Variants in SULF1 observed in about 807,000 individuals in gnomAD.
SULF1 encodes the protein extracellular sulfatase Sulf-1.
A neutral mutation model predicts 110.5 loss-of-function variants in SULF1; 46 were observed. The observed-to-expected ratio is 0.42, with a 90% CI of 0.33 to 0.53. SULF1 has a LOEUF of 0.53. Ranked by LOEUF, SULF1 falls within the 20% of genes least tolerant of loss-of-function variation. SULF1 has a pLI of 0.12. For missense variants in SULF1, 941 were observed against 1,094.2 expected, an observed-to-expected ratio of 0.86 and a Z score of 1.98; for synonymous variants, 371 against 387.1, an observed-to-expected ratio of 0.96 and a Z score of 0.49.
At chr8:69,654,795 T>A (rs1168486916) in intron 22 of SULF1, among the ~76,000 whole-genome samples, 1 of 152,196 alleles carries the variant, frequency 6.6e-6, no homozygotes, top group Non-Finnish European at 1.5e-5. Flanking sequence ...AATGCTTTTG[T>A]CTCCCCACAT....
chr8:69,638,313 TCA>T, intron 19 of SULF1, 187 bp from the exon 20 acceptor site: 1 of 660,862 alleles, frequency 1.5e-6, no homozygotes, highest in Non-Finnish European at 2.5e-6. Flanking sequence ...TTTCCCATTT[TCA>T]CCTAGTTTCA....
intron 1 of SULF1, among the ~76,000 whole-genome samples, chr8:69,479,978 A>G (rs1809449397): frequency 6.6e-6 from 1 of 152,042 alleles, no homozygotes; most frequent in South Asian, 2.1e-4. Context: ...AGTGTAAATG[A>G]TGATTGGGAC....
Position 69,600,847 on chromosome 8 carries a change from A to G in SULF1, c.885+94A>G, listed in dbSNP as rs564227926. 8.4e-6 allele frequency: 11 copies of G among 1,306,206 alleles called. No homozygotes were observed. In the South Asian group the frequency reaches 1.7e-4, roughly 20 times the overall value. The allele number at this position is 1,306,206 out of a possible 1,614,324, so 80.9% of individuals were successfully genotyped here. On this transcript the variant is annotated intron_variant, in intron 9 of 22. Transcript: ENST00000402687. Reference sequence around the variant, plus strand: ...AATCCTGTTTGGTTTTTTCCCCTTCATTTTCCAGCATCATTTTGAGAGAGA... The same window carrying G: ...AATCCTGTTTGGTTTTTTCCCCTTCGTTTTCCAGCATCATTTTGAGAGAGA...
chr8:69,514,120 C>T (rs561796876), intron 3 of SULF1, among the ~76,000 whole-genome samples: 1 of 152,310 alleles, frequency 6.6e-6, no homozygotes, highest in Non-Finnish European at 1.5e-5. Flanking sequence ...TATGCTTTTA[C>T]TGTATTCTAC....
intron 1 of SULF1, among the ~76,000 whole-genome samples, chr8:69,474,247 T>A (rs1009613559): frequency 6.6e-6 from 1 of 152,216 alleles, no homozygotes; most frequent in Non-Finnish European, 1.5e-5. Context: ...TGCATTCCAA[T>A]GTACATTTAT....
chr8:69,502,385 G>A (rs1412089465), intron 3 of SULF1, among the ~76,000 whole-genome samples: 2 of 152,176 alleles, frequency 1.3e-5, no homozygotes, highest in Admixed American at 6.5e-5. Flanking sequence ...TTCACAGCTC[G>A]TCTTCACAGT....
At chr8:69,650,407 G>A (rs568846938) in intron 22 of SULF1, among the ~76,000 whole-genome samples, 4 of 152,220 alleles carry the variant, frequency 2.6e-5, no homozygotes, top group Admixed American at 2.6e-4. Context: ...TGAGGTGGGA[G>A]GAATACGTGC....
At chr8:69,573,998 T>G (rs927906654) in intron 5 of SULF1, among the ~76,000 whole-genome samples, 3 of 152,160 alleles carry the variant, frequency 2.0e-5, no homozygotes, top group African/African-American at 7.2e-5. Context: ...AGTTCTTCTT[T>G]CCTCAGGGGT....
chr8:69,520,366 T>C (rs1812214661), intron 3 of SULF1, among the ~76,000 whole-genome samples: 1 of 152,182 alleles, frequency 6.6e-6, no homozygotes, highest in Admixed American at 6.5e-5. Flanking sequence ...GTCAACTCTG[T>C]TGGTTCATTC....
At chr8:69,584,692 A>C (rs1806319071) in intron 6 of SULF1, 1 of 152,242 alleles carries the variant, frequency 6.6e-6, no homozygotes. Context: ...ATCATCGAAC[A>C]CAAAGCCAAT....
At chr8:69,559,917 A>G (rs910711507) in intron 3 of SULF1, among the ~76,000 whole-genome samples, 2 of 152,056 alleles carry the variant, frequency 1.3e-5, no homozygotes, top group Non-Finnish European at 2.9e-5. Flanking sequence ...GTTTGTTTTT[A>G]CTATATGTGA....
At chr8:69,643,979 C>A (rs973462009) in intron 22 of SULF1, among the ~76,000 whole-genome samples, 1 of 152,176 alleles carries the variant, frequency 6.6e-6, no homozygotes, top group Non-Finnish European at 1.5e-5. Context: ...TCCTGGCAGC[C>A]GTGGCCATGT....
intron 3 of SULF1, among the ~76,000 whole-genome samples, chr8:69,560,363 G>A (rs1487467470): frequency 2.0e-5 from 3 of 148,978 alleles, no homozygotes; most frequent in African/African-American, 7.5e-5. Context: ...TTTTACATGT[G>A]ACTTGAAACA....
At chr8:69,571,912 A>G (rs1805261451) in intron 5 of SULF1, among the ~76,000 whole-genome samples, 1 of 152,190 alleles carries the variant, frequency 6.6e-6, no homozygotes, top group Admixed American at 6.5e-5. Flanking sequence ...GAAGAGATTC[A>G]GATTCCTGCA....
At chr8:69,545,408 G>A (rs1021415009) in intron 3 of SULF1, among the ~76,000 whole-genome samples, 1 of 152,128 alleles carries the variant, frequency 6.6e-6, no homozygotes, top group African/African-American at 2.4e-5. Context: ...ACTACACATA[G>A]CAAAAACCAA....
chr8:69,630,973 C>A (rs564023439), intron 19 of SULF1, among the ~76,000 whole-genome samples: 1 of 151,838 alleles, frequency 6.6e-6, no homozygotes, highest in South Asian at 2.1e-4. Context: ...CCCCCCTGCC[C>A]CCACCCTGCA....
At chr8:69,645,338 A>G (rs1811811977) in intron 22 of SULF1, among the ~76,000 whole-genome samples, 1 of 152,166 alleles carries the variant, frequency 6.6e-6, no homozygotes, top group Non-Finnish European at 1.5e-5. Context: ...AAACTAAAGT[A>G]TAGCACGTGC....
chr8:69,524,008 G>A (rs1253524762), intron 3 of SULF1, among the ~76,000 whole-genome samples: 3 of 152,100 alleles, frequency 2.0e-5, no homozygotes, highest in South Asian at 2.1e-4. Context: ...AAATGACAGC[G>A]AAGCAGGAGC....
At chr8:69,520,093 G>T (rs1812188672) in intron 3 of SULF1, among the ~76,000 whole-genome samples, 1 of 147,604 alleles carries the variant, frequency 6.8e-6, no homozygotes, top group African/African-American at 2.5e-5. Flanking sequence ...ACTGTTTAAA[G>T]AGTCCCTAAA....
Sources: allele counts gnomAD v4.1 joint callset (sites outside exome capture counted in the v4.1 genomes callset), GRCh38; gene constraint gnomAD v4.1.1; transcripts MANE v1.5; gene names NCBI Gene and HGNC (gene_info 2026-07-23, HGNC 2026-07-21).